Variants in BRD1 observed in about 807,000 individuals in gnomAD.
BRD1 encodes bromodomain containing 1, also known as bromodomain-containing protein 1.
In BRD1, 24 loss-of-function variants were observed where a neutral mutation model predicts 107.7. That is an observed-to-expected ratio of 0.22 (90% CI 0.16 to 0.31). The LOEUF (loss-of-function observed/expected upper bound fraction) is 0.31, where lower values mean the gene tolerates loss of function less well. Among genes scored for constraint, BRD1 ranks in the 10% least tolerant of loss-of-function variants. The probability of loss-of-function intolerance (pLI) is 1.00; values close to 1 mark genes in which losing one functional copy is unlikely to be tolerated. For missense variants in BRD1, 1,279 were observed against 1,638.6 expected, an observed-to-expected ratio of 0.78 and a Z score of 3.79; for synonymous variants, 744 against 686.1, an observed-to-expected ratio of 1.08 and a Z score of -1.32.
Position 49,787,741 on chromosome 22 carries a change from C to G in BRD1, c.2506G>C (p.Glu836Gln). The part of the protein sequence containing the change: ...KLFKRVTFDN[E>Q]SHSACTQSAL... ...CTCTGAGTGCAAGCGCTATGTGATT[C>G]ATTATCAAATGTGACTCTTTTGAAA... is the stretch of plus-strand genomic sequence containing the variant. Residue 836 changes from glutamate (E) to glutamine (Q), a missense_variant, in exon 8 of 13, where the codon GAA becomes CAA. Physicochemically the swap from Glu to Gln is conservative, Grantham distance 29. Around this residue, in one of 7 missense-constraint regions of BRD1, gnomAD observed 406 missense variants for 519.4 expected, o/e 0.78. Transcript: ENST00000404760. 2.6e-6 allele frequency: 4 copies of G among 1,550,842 alleles called. No homozygotes were observed. The highest frequency in any genetic ancestry group is 2.6e-6 in the Non-Finnish European group (3 of 1,147,052).
intron 8 of BRD1, among the ~76,000 whole-genome samples, chr22:49,781,232 G>A (rs1014438307): frequency 6.6e-6 from 1 of 152,172 alleles, no homozygotes; most frequent in East Asian, 1.9e-4. Flanking sequence ...GCGCAAAGGT[G>A]TCCCACAGCC....
chr22:49,807,289 A>T (rs1453675372), intron 2 of BRD1: 1 of 152,196 alleles, frequency 6.6e-6, no homozygotes. Flanking sequence ...CCTAAAATTC[A>T]TATGGAAACT....
In BRD1 at chr22:49,783,610, C is replaced by T. The variant is rs930293821; in HGVS notation, c.2857+3780G>A. On this transcript the variant is annotated intron_variant, in intron 8 of 12. Transcript: ENST00000404760. The surrounding 1 kb of genome is among the most constrained non-coding windows in gnomAD (Gnocchi z 4.2). Reference sequence around the variant, plus strand: ...TCGTCAGCTGCAGCAGGCTCCCAGTCGGTGCCGGGCTCTCCTCTGCGTCCT... The same window carrying T: ...TCGTCAGCTGCAGCAGGCTCCCAGTTGGTGCCGGGCTCTCCTCTGCGTCCT... Among the ~76,000 whole-genome samples, 1 of 152,224 alleles carries T rather than the reference C, an allele frequency of 6.6e-6. No homozygotes were observed.
At chr22:49,816,171 G>GA (rs948982839) in intron 2 of BRD1, among the ~76,000 whole-genome samples, 6 of 152,120 alleles carry the variant, frequency 3.9e-5, no homozygotes, top group Non-Finnish European at 7.4e-5. Context: ...AAACATGGAG[G>GA]AAAAAAAGAC....
chr22:49,804,094 G>C (rs772827001), intron 3 of BRD1, 110 bp downstream of exon 3: 1 of 949,794 alleles, frequency 1.1e-6, no homozygotes, highest in Non-Finnish European at 1.5e-6. Flanking sequence ...TTCCCAACGG[G>C]GAGCCTGAGC....
chr22:49,809,327 G>A (rs1187585508), intron 2 of BRD1, among the ~76,000 whole-genome samples: 1 of 152,022 alleles, frequency 6.6e-6, no homozygotes, highest in Non-Finnish European at 1.5e-5. Flanking sequence ...GGATCATGAG[G>A]TCAGGAGTTC....
At chr22:49,780,244 A>C (rs2059180792) in intron 8 of BRD1, among the ~76,000 whole-genome samples, 1 of 152,226 alleles carries the variant, frequency 6.6e-6, no homozygotes, top group Non-Finnish European at 1.5e-5. Flanking sequence ...GTGTGCATGG[A>C]GTGGGGCCAG....
At position 49,787,650 on chromosome 22, in the gene BRD1, G is replaced by A. The variant is rs1451505314; in HGVS notation, c.2597C>T (p.Ala866Val). ...RASSGDVPAAAASAVAEPASD... is the reference protein window; with the variant it reads ...RASSGDVPAAVASAVAEPASD... ...TGCTGGCTCCGCCACCGCGGAGGCC[G>A]CCGCCGCCGGCACATCGCCACTACT... The change falls in exon 8 of 13, where the codon GCG becomes GTG. Residue 866 changes from alanine (A) to valine (V), a missense_variant. Transcript: ENST00000404760. 12 of 1,550,576 alleles carry A rather than the reference G, an allele frequency of 7.7e-6. No individual in the cohort carries two copies. Among genetic ancestry groups the A allele is most frequent in the African/African-American group, 1.4e-5 (1 of 73,190 alleles).
rs375017983 is a variant in BRD1, at chr22:49,794,125, G to A, written c.2268C>T (p.Ser756=). ...KEIALLRNKL[S]QQHSQPLPTG... ...TGGGCAGGGGCTGGCTGTGCTGCTG[G>A]CTCAGCTTGTTTCGGAGAAGGGCAA... is the stretch of plus-strand genomic sequence containing the variant. Residue 756 remains serine, a synonymous_variant, in exon 7 of 13, where the codon AGC becomes AGT. Transcript: ENST00000404760. 4 of 1,614,138 alleles carry A rather than the reference G, an allele frequency of 2.5e-6. No homozygotes were observed. The African/African-American group carries it at 5.3e-5, about 22-fold the overall frequency.
At position 49,823,773 on chromosome 22, in the gene BRD1, G is replaced by A. The variant is rs2060111918; in HGVS notation, c.545C>T (p.Ser182Leu). The A allele has an allele frequency of 3.7e-6, 6 of 1,614,024 alleles. No homozygotes were observed. The highest frequency in any genetic ancestry group is 1.7e-5 in the Admixed American group (1 of 60,014). Reference protein sequence around the residue: ...KRKGDCVPAVSQSMFEFLMDR... With the variant: ...KRKGDCVPAVLQSMFEFLMDR... ...CATCAGGAACTCAAACATGCTCTGC[G>A]ACACGGCGGGGACGCAGTCGCCCTT... Residue 182 changes from serine (S) to leucine (L), a missense_variant, in exon 2 of 13, where the codon TCG becomes TTG. Ser to Leu is a moderately radical substitution (Grantham distance 145, BLOSUM62 -2). Transcript: ENST00000404760.
Position 49,823,990 on chromosome 22 carries a change from T to G in BRD1, c.328A>C (p.Thr110Pro). ...GGGAGGGCACTGGCCGAGGCCGGCG[T>G]GCCGTGGGCGCTGGGGAGGGCCTCG... ...KNEALPSAHGTPASASALPEP... is the reference protein window; with the variant it reads ...KNEALPSAHGPPASASALPEP... The change falls in exon 2 of 13, where the codon ACG becomes CCG. Residue 110 changes from threonine (T) to proline (P), a missense_variant. Around this residue, in one of 7 missense-constraint regions of BRD1, gnomAD observed 223 missense variants for 263.5 expected, o/e 0.85. Transcript: ENST00000404760. 1 of 1,614,026 alleles carries G rather than the reference T, an allele frequency of 6.2e-7. No individual in the cohort carries two copies. The highest frequency in any genetic ancestry group is 1.1e-5 in the South Asian group (1 of 91,092).
At chr22:49,777,510 T>G (rs576280510) in intron 9 of BRD1, among the ~76,000 whole-genome samples, 168 bp downstream of exon 9, 3 of 152,314 alleles carry the variant, frequency 2.0e-5, no homozygotes, top group Non-Finnish European at 4.4e-5. Context: ...CAGATTAATA[T>G]GCAGCATGGG....
intron 2 of BRD1, chr22:49,805,798 G>C (rs915024315): frequency 4.0e-5 from 6 of 149,076 alleles, no homozygotes; most frequent in African/African-American, 1.0e-4. Flanking sequence ...CTGGAGTGCA[G>C]TGACGCAATT....
chr22:49,782,560 C>G (rs866774129), intron 8 of BRD1, among the ~76,000 whole-genome samples: 2 of 138,402 alleles, frequency 1.4e-5, no homozygotes, highest in Admixed American at 7.2e-5. Flanking sequence ...CAAGGCCCAT[C>G]GTGCTGGGAC....
rs2059031160 is a variant in BRD1, at chr22:49,773,831, A to T, written c.*402T>A. On this transcript the variant is annotated 3_prime_UTR_variant, in exon 13 of 13. Transcript: ENST00000404760. ...CCCCTCTTTCCACAAAGTACCATTC[A>T]AAATAATGTCATTTTCTTTCTTAAA... 6.4e-6 allele frequency: 1 copy of T among 156,460 alleles called. No individual in the cohort carries two copies. Among genetic ancestry groups the T allele is most frequent in the African/African-American group, 2.4e-5 (1 of 41,582 alleles). The allele number at this position is 156,460 out of a possible 1,614,324, so 9.7% of individuals were successfully genotyped here.
In BRD1 at chr22:49,797,880, A is replaced by G. The variant is rs746659174; in HGVS notation, c.2023T>C (p.Leu675=). The change falls in exon 6 of 13, where the codon TTG becomes CTG. Residue 675 remains leucine (L), a synonymous_variant. Transcript: ENST00000404760. The part of the protein sequence containing the change: ...QARREVDSIG[L]EEASGMHLPE... Reference sequence around the variant, plus strand: ...AGGTGCATCCCCGAGGCCTCTTCCAAGCCGATGCTGTCCACCTCGCGCCGG... The same window carrying G: ...AGGTGCATCCCCGAGGCCTCTTCCAGGCCGATGCTGTCCACCTCGCGCCGG... The G allele has an allele frequency of 1.1e-5, 17 of 1,613,724 alleles. No homozygotes were observed. The highest frequency in any genetic ancestry group is 1.4e-5 in the Non-Finnish European group (17 of 1,180,042).
chr22:49,799,981 C>T (rs1368998434), intron 3 of BRD1, among the ~76,000 whole-genome samples: 1 of 152,172 alleles, frequency 6.6e-6, no homozygotes, highest in Admixed American at 6.5e-5. Context: ...AGTGGGCCCC[C>T]AACACCTGTC....
At position 49,777,833 on chromosome 22, in the gene BRD1, G is replaced by C. The variant is rs1190487518; in HGVS notation, c.2858-20C>G. 1.9e-6 allele frequency: 3 copies of C among 1,584,330 alleles called. No individual in the cohort carries two copies. In the East Asian group the frequency reaches 6.8e-5, roughly 36 times the overall value. The stretch of plus-strand genomic sequence containing the variant: ...TGAGACCTGGAACACAGGCGGGCAG[G>C]CCCTGAGCTCAGCACAACCAGGGCA... On this transcript the variant is annotated intron_variant, in intron 8 of 12. Coordinates refer to ENST00000404760, the MANE Select transcript of BRD1 (RefSeq NM_001304808.3).
intron 3 of BRD1, among the ~76,000 whole-genome samples, chr22:49,800,879 G>A (rs2059628253): frequency 6.6e-6 from 1 of 152,250 alleles, no homozygotes; most frequent in South Asian, 2.1e-4. Flanking sequence ...CCAGACACAT[G>A]GGGGAGACAC....
Sources: gnomAD v4.1 joint callset for allele counts (sites outside exome capture counted in the v4.1 genomes callset) on GRCh38, gnomAD v4.1.1 for gene constraint, gnomAD v4.1.1 regional missense constraint, Gnocchi (gnomAD v3.1) non-coding constraint, MANE v1.5 for transcripts, NCBI Gene and HGNC (gene_info 2026-07-23, HGNC 2026-07-21) for gene names.